The following SPACA1 variants were observed in gnomAD, a reference collection of about 807,000 sequenced individuals.
The protein encoded by SPACA1 is sperm acrosome membrane-associated protein 1.
Under a neutral mutation model 32.6 loss-of-function variants are expected in SPACA1, and 17 were observed. The ratio of observed to expected loss-of-function variants is 0.52; its 90% CI spans 0.36 to 0.78. The LOEUF (loss-of-function observed/expected upper bound fraction) is 0.78, where lower values mean the gene tolerates loss of function less well. Ranked by LOEUF, SPACA1 falls within the 30% of genes least tolerant of loss-of-function variation. SPACA1 has a pLI of 0.01. For missense variants in SPACA1, 363 were observed against 373.4 expected (o/e 0.97, Z 0.23); for synonymous variants, 140 against 138.1 (o/e 1.01, Z -0.10).
chr6:88,065,364 G>C (rs806436), intron 6 of SPACA1, among the ~76,000 whole-genome samples: 130,201 of 147,706 alleles, frequency 0.88, 57,491 homozygotes, highest in Middle Eastern at 0.92. Context: ...ATTATATACA[G>C]TATATATTAT....
At chr6:88,061,434 A>G (rs563473876) in intron 5 of SPACA1, among the ~76,000 whole-genome samples, 460 of 3,480 alleles carry the variant, frequency 0.13, 3 homozygotes, top group African/African-American at 0.31. Context: ...GCTTGTGCGC[A>G]CACACACACA....
chr6:88,061,284 T>G (rs1020184283), intron 5 of SPACA1, among the ~76,000 whole-genome samples: 10 of 152,206 alleles, frequency 6.6e-5, no homozygotes, highest in African/African-American at 2.4e-4. Flanking sequence ...AAAGATACTT[T>G]GAAGTACTCA....
intron 2 of SPACA1, among the ~76,000 whole-genome samples, chr6:88,055,232 C>T (rs1582270026): frequency 6.6e-6 from 1 of 152,164 alleles, no homozygotes; most frequent in African/African-American, 2.4e-5. Context: ...TATTTAAAGA[C>T]AAGTTTAGAA....
Position 88,047,957 on chromosome 6 carries a change from T to G in SPACA1, c.52T>G (p.Trp18Gly). The G allele has an allele frequency of 1.9e-6, 3 of 1,570,000 alleles. No homozygotes were observed. Among genetic ancestry groups the G allele is most frequent in the Non-Finnish European group, 2.6e-6 (3 of 1,158,634 alleles). ...CSAGLLMTVG[W>G]LLLAGLQSAR... The stretch of plus-strand genomic sequence containing the variant: ...CGCCGGGCTGCTGATGACTGTCGGC[T>G]GGCTGCTTCTGGCGGGCCTCCAGTC... The change falls in exon 1 of 7, where the codon TGG becomes GGG. Residue 18 changes from tryptophan (W) to glycine (G), a missense_variant. By Grantham distance (184) the Trp-to-Gly change is radical. Transcript: ENST00000237201.
intron 1 of SPACA1, among the ~76,000 whole-genome samples, chr6:88,052,531 T>A (rs981046772): frequency 1.3e-5 from 2 of 152,216 alleles, no homozygotes; most frequent in Non-Finnish European, 2.9e-5. Flanking sequence ...GGGTGCTTAC[T>A]GAGTATGCAA....
intron 5 of SPACA1, among the ~76,000 whole-genome samples, chr6:88,059,853 T>G (rs1459701434): frequency 6.6e-6 from 1 of 152,244 alleles, no homozygotes; most frequent in Admixed American, 6.5e-5. Context: ...TTTCACAAAG[T>G]AGTCACAATT....
chr6:88,061,804 G>T (rs1200537488), intron 5 of SPACA1, among the ~76,000 whole-genome samples: 1 of 152,134 alleles, frequency 6.6e-6, no homozygotes, highest in Non-Finnish European at 1.5e-5. Flanking sequence ...TTATCTAAAA[G>T]GTGAGAGCAT....
intron 2 of SPACA1, among the ~76,000 whole-genome samples, 176 bp downstream of exon 2, chr6:88,054,178 A>G (rs1775772201): frequency 1.3e-5 from 2 of 150,888 alleles, no homozygotes; most frequent in South Asian, 4.2e-4. Flanking sequence ...AAACTGTAAG[A>G]TATTTTCAGT....
At chr6:88,061,971 G>A (rs1327935353) in intron 5 of SPACA1, among the ~76,000 whole-genome samples, 2 of 152,076 alleles carry the variant, frequency 1.3e-5, no homozygotes, top group African/African-American at 4.8e-5. Context: ...AGCTAACATT[G>A]CAGAGTAATG....
intron 1 of SPACA1, among the ~76,000 whole-genome samples, chr6:88,052,629 G>C (rs1271148687): frequency 1.3e-5 from 2 of 152,162 alleles, no homozygotes; most frequent in Admixed American, 1.3e-4. Context: ...TTGAGGTCAG[G>C]AGTTTGAGAC....
In SPACA1 at chr6:88,059,704, C is replaced by T. The variant is rs554428253; in HGVS notation, c.610+116C>T. 17 of 1,078,342 alleles carry T rather than the reference C, an allele frequency of 1.6e-5. No homozygotes were observed. In the South Asian group the frequency reaches 3.6e-4, roughly 23 times the overall value. The allele number at this position is 1,078,342 out of a possible 1,614,324, so 66.8% of individuals were successfully genotyped here. A position where few individuals can be genotyped will look rare whatever the true frequency, so the allele number is the denominator to read the frequency against. Reference sequence around the variant, plus strand: ...AGCCCTCCCCCCAGAGTTTCTGATTCAGTAGATTTGGGATGGGACTGGAAC... The same window carrying T: ...AGCCCTCCCCCCAGAGTTTCTGATTTAGTAGATTTGGGATGGGACTGGAAC... On this transcript the variant is annotated intron_variant, in intron 5 of 6. Transcript: ENST00000237201.
chr6:88,065,219 A>G (rs957032708), intron 6 of SPACA1, among the ~76,000 whole-genome samples: 1 of 148,880 alleles, frequency 6.7e-6, no homozygotes, highest in Admixed American at 6.7e-5. Flanking sequence ...ATATGTATGT[A>G]TGTGTATACA....
At chr6:88,055,713 G>A (rs1775796769) in intron 2 of SPACA1, among the ~76,000 whole-genome samples, 1 of 152,252 alleles carries the variant, frequency 6.6e-6, no homozygotes, top group Non-Finnish European at 1.5e-5. Context: ...GCTCACGCCT[G>A]TAATCCCAGC....
At position 88,064,104 on chromosome 6, in the gene SPACA1, C is replaced by G. The variant is rs1365786185; in HGVS notation, c.616C>G (p.Gln206Glu). 1.2e-6 allele frequency: 2 copies of G among 1,612,684 alleles called. No individual in the cohort carries two copies. Among genetic ancestry groups the G allele is most frequent in the Non-Finnish European group, 1.7e-6 (2 of 1,179,348 alleles). The change falls in exon 6 of 7, where the codon CAG becomes GAG. Residue 206 changes from glutamine to glutamate, a missense_variant. Transcript: ENST00000237201. The part of the protein sequence containing the change: ...KFTVYTSSEL[Q>E]MRRSSLPATD... Reference sequence around the variant, plus strand: ...GGTTTGTGTGTTTTCTCTAGAATTGCAGATGAGAAGATCAAGCCTACCAGC... The same window carrying G: ...GGTTTGTGTGTTTTCTCTAGAATTGGAGATGAGAAGATCAAGCCTACCAGC...
intron 2 of SPACA1, among the ~76,000 whole-genome samples, chr6:88,054,965 ACTAACTT>A (rs1775784728): frequency 6.6e-6 from 1 of 152,008 alleles, no homozygotes; most frequent in Admixed American, 6.6e-5. Flanking sequence ...CCCATTAAAC[ACTAACTT>A]CCTGTTCCCC....
intron 2 of SPACA1, among the ~76,000 whole-genome samples, chr6:88,055,264 A>T (rs957797894): frequency 3.9e-5 from 6 of 152,154 alleles, no homozygotes; most frequent in Non-Finnish European, 2.9e-5. Flanking sequence ...TCAAATGATT[A>T]TTTTTTTAAA....
At chr6:88,060,050 A>G (rs899289622) in intron 5 of SPACA1, among the ~76,000 whole-genome samples, 1 of 152,148 alleles carries the variant, frequency 6.6e-6, no homozygotes, top group Non-Finnish European at 1.5e-5. Flanking sequence ...TCAAAGTATG[A>G]CTCTTTAAAA....
chr6:88,056,118 G>T (rs1775803028), intron 2 of SPACA1, among the ~76,000 whole-genome samples: 1 of 152,242 alleles, frequency 6.6e-6, no homozygotes, highest in Non-Finnish European at 1.5e-5. Context: ...CACTTTGGGA[G>T]GCTGAGGCTG....
chr6:88,053,900 A>G, intron 1 of SPACA1, 46 bp from the exon 2 acceptor site: 1 of 1,547,388 alleles, frequency 6.5e-7, no homozygotes, highest in South Asian at 1.1e-5. Flanking sequence ...TCACTTAGAA[A>G]AGTTTTCATA....
Sources: allele counts gnomAD v4.1 joint callset (sites outside exome capture counted in the v4.1 genomes callset), GRCh38; gene constraint gnomAD v4.1.1; transcripts MANE v1.5; gene names NCBI Gene and HGNC (gene_info 2026-07-23, HGNC 2026-07-21).